Variants in SLC24A2 observed in about 807,000 individuals in gnomAD.
SLC24A2 encodes the protein solute carrier family 24 member 2.
In SLC24A2, 36 loss-of-function variants were observed where a neutral mutation model predicts 62.0. That is an observed-to-expected ratio of 0.58 (90% CI 0.44 to 0.77). The LOEUF (loss-of-function observed/expected upper bound fraction) is 0.77, where lower values mean the gene tolerates loss of function less well. Among genes scored for constraint, SLC24A2 ranks in the 30% least tolerant of loss-of-function variants. SLC24A2 has a pLI of 0.00. For synonymous variants in SLC24A2, 358 were observed against 294.0 expected, an observed-to-expected ratio of 1.22 and a Z score of -2.23; for missense variants, 846 against 817.9, an observed-to-expected ratio of 1.03 and a Z score of -0.42.
chr9:19,768,630 G>C (rs1237340762), intron 2 of SLC24A2, among the ~76,000 whole-genome samples: 1 of 152,198 alleles, frequency 6.6e-6, no homozygotes, highest in African/African-American at 2.4e-5. Context: ...TTCTGGGTGG[G>C]ACAGAGAGCG....
chr9:20,187,112 A>G, the SLC24A2 span, among the ~76,000 whole-genome samples: 1 of 152,010 alleles, frequency 6.6e-6, no homozygotes, highest in Admixed American at 6.6e-5. Context: ...ATTCTCCCCC[A>G]TCCCCATCCC....
At chr9:20,052,998 T>C in the SLC24A2 span, among the ~76,000 whole-genome samples, 2 of 152,222 alleles carry the variant, frequency 1.3e-5, no homozygotes, top group Non-Finnish European at 2.9e-5. Flanking sequence ...ATCTCCACTT[T>C]TTTAAAAGCA....
the SLC24A2 span, among the ~76,000 whole-genome samples, chr9:20,072,868 C>T: frequency 3.8e-3 from 573 of 152,122 alleles, 1 homozygote; most frequent in Non-Finnish European, 6.2e-3. Flanking sequence ...AACCTTAACC[C>T]GCTGAATCTG....
chr9:19,967,878 C>T, the SLC24A2 span: 2 of 152,138 alleles, frequency 1.3e-5, no homozygotes, highest in African/African-American at 4.8e-5. Flanking sequence ...TTGATTCAGG[C>T]TTGGACATTA....
chr9:19,930,300 C>T, the SLC24A2 span, among the ~76,000 whole-genome samples: 5 of 152,144 alleles, frequency 3.3e-5, no homozygotes, highest in African/African-American at 1.2e-4. Context: ...TCTAGTGTTT[C>T]CACATTGAGA....
chr9:19,831,615 C>T, the SLC24A2 span, among the ~76,000 whole-genome samples: 1 of 152,046 alleles, frequency 6.6e-6, no homozygotes, highest in Non-Finnish European at 1.5e-5. Flanking sequence ...TTTATTTCCC[C>T]AACAGAATTT....
chr9:20,190,146 G>T, the SLC24A2 span, among the ~76,000 whole-genome samples: 3 of 152,218 alleles, frequency 2.0e-5, no homozygotes, highest in African/African-American at 7.2e-5. Flanking sequence ...CCTGGCAAAA[G>T]AGGCAAAATG....
At chr9:20,255,030 C>G in the SLC24A2 span, among the ~76,000 whole-genome samples, 2 of 152,140 alleles carry the variant, frequency 1.3e-5, no homozygotes, top group Admixed American at 6.5e-5. Flanking sequence ...AAGGTCCTTC[C>G]CATTACACAT....
chr9:19,906,488 T>A, the SLC24A2 span, among the ~76,000 whole-genome samples: 10 of 151,626 alleles, frequency 6.6e-5, no homozygotes, highest in East Asian at 1.6e-3. Context: ...AGAGCAGAAC[T>A]GAAGGAAATA....
At chr9:19,909,864 G>A in the SLC24A2 span, among the ~76,000 whole-genome samples, 1 of 151,968 alleles carries the variant, frequency 6.6e-6, no homozygotes, top group Non-Finnish European at 1.5e-5. Context: ...CTCACTATAC[G>A]GAGCACAACT....
intron 2 of SLC24A2, among the ~76,000 whole-genome samples, chr9:19,753,239 A>G (rs1822038189): frequency 6.6e-6 from 1 of 151,820 alleles, no homozygotes; most frequent in Admixed American, 6.6e-5. Context: ...TCATCTAACC[A>G]CCTCTCTCAA....
chr9:19,925,679 G>A, the SLC24A2 span, among the ~76,000 whole-genome samples: 1 of 152,168 alleles, frequency 6.6e-6, no homozygotes, highest in Non-Finnish European at 1.5e-5. Flanking sequence ...TATTAGAGGA[G>A]GATAAAAACC....
the SLC24A2 span, among the ~76,000 whole-genome samples, chr9:19,899,520 G>A: frequency 6.6e-6 from 1 of 152,126 alleles, no homozygotes; most frequent in Admixed American, 6.5e-5. Flanking sequence ...ACCAGGAGAA[G>A]GCCAGTTACC....
At chr9:19,870,775 C>T in the SLC24A2 span, among the ~76,000 whole-genome samples, 1 of 152,008 alleles carries the variant, frequency 6.6e-6, no homozygotes, top group African/African-American at 2.4e-5. Context: ...AGCATATTTT[C>T]CTGTATTTAT....
chr9:19,941,407 C>A, the SLC24A2 span, among the ~76,000 whole-genome samples: 1 of 152,108 alleles, frequency 6.6e-6, no homozygotes, highest in African/African-American at 2.4e-5. Context: ...CTGGTCTTAA[C>A]TTTTTTCTCT....
chr9:19,997,435 G>T, the SLC24A2 span, among the ~76,000 whole-genome samples: 2 of 152,168 alleles, frequency 1.3e-5, no homozygotes, highest in Non-Finnish European at 2.9e-5. Context: ...TTTAGGTCAT[G>T]ATACCTTTTA....
At position 19,558,248 on chromosome 9, in the gene SLC24A2, C is replaced by T. The variant is rs1011030257; in HGVS notation, c.1348-7980G>A. Among the ~76,000 whole-genome samples the T allele has an allele frequency of 1.8e-4, 27 of 152,204 alleles. 1 individual carries two copies. Among genetic ancestry groups the T allele is most frequent in the African/African-American group, 5.8e-4 (24 of 41,544 alleles). ...GTGGAGAGTAGGGGCCACTGAGATG[C>T]CCTCTTCTCTCCTTTAGCTTACTGA... On this transcript the variant is annotated intron_variant, in intron 7 of 10. Coordinates refer to ENST00000341998, the MANE Select transcript of SLC24A2 (RefSeq NM_020344.4).
the SLC24A2 span, among the ~76,000 whole-genome samples, chr9:20,067,015 C>A: frequency 2.6e-5 from 4 of 152,126 alleles, no homozygotes; most frequent in African/African-American, 9.7e-5. Flanking sequence ...AAAGTGATAA[C>A]AGGAAAATGT....
At chr9:20,097,720 A>ATTTTTTTTTTTTTTTTTTTTTTTT in the SLC24A2 span, among the ~76,000 whole-genome samples, 2 of 69,114 alleles carry the variant, frequency 2.9e-5, no homozygotes, top group East Asian at 6.5e-4. Flanking sequence ...ATCTTAAATA[A>ATTTTTTTTTTTTTTTTTTTTTTTT]TTTTTTTTTT....
Sources: allele counts gnomAD v4.1 joint callset (sites outside exome capture counted in the v4.1 genomes callset), GRCh38; gene constraint gnomAD v4.1.1; transcripts MANE v1.5; gene names NCBI Gene and HGNC (gene_info 2026-07-23, HGNC 2026-07-21).